Variants in PRXL2A observed in about 807,000 individuals in gnomAD.
PRXL2A encodes peroxiredoxin like 2A.
Under a neutral mutation model 25.6 loss-of-function variants are expected in PRXL2A, and 26 were observed. The ratio of observed to expected loss-of-function variants is 1.02; its 90% confidence interval spans 0.74 to 1.41. PRXL2A has a LOEUF of 1.41. Among genes scored for constraint, PRXL2A ranks in the 40% most tolerant of loss-of-function variants. The pLI, the probability that PRXL2A is intolerant of heterozygous loss-of-function variation, is 0.00. For missense variants in PRXL2A, 246 were observed against 273.9 expected (o/e 0.90, Z 0.72); for synonymous variants, 98 against 102.9 (o/e 0.95, Z 0.29).
At position 80,420,517 on chromosome 10, in the gene PRXL2A, T is replaced by C. The variant is rs1844826641; in HGVS notation, c.50T>C (p.Ile17Thr). 2 of 1,612,292 alleles carry C rather than the reference T, an allele frequency of 1.2e-6. No individual in the cohort carries two copies. Among genetic ancestry groups the C allele is most frequent in the East Asian group, 4.5e-5 (2 of 44,802 alleles). Residue 17 changes from isoleucine to threonine, a missense_variant, in exon 2 of 6, where the codon ATT becomes ACT. Physicochemically the swap from Ile to Thr is moderately conservative, Grantham distance 89 (BLOSUM62 -1). Transcript: ENST00000606162. ...TTCTTCACCATGGGGATGTGGTCCATTGGTGCAGGAGCCCTGGGGGCTGCT... is the reference window on the plus strand; with the variant it reads ...TTCTTCACCATGGGGATGTGGTCCACTGGTGCAGGAGCCCTGGGGGCTGCT... Reference protein sequence around the residue: ...PSFFTMGMWSIGAGALGAAAL... With the variant: ...PSFFTMGMWSTGAGALGAAAL...
intron 3 of PRXL2A, 99 bp from the exon 4 acceptor site, chr10:80,425,767 G>A (rs937348844): frequency 1.4e-6 from 2 of 1,473,772 alleles, no homozygotes; most frequent in Non-Finnish European, 1.9e-6. Flanking sequence ...TTCCACTGGA[G>A]AAGACAAGGA....
intron 5 of PRXL2A, among the ~76,000 whole-genome samples, chr10:80,428,697 T>G (rs1845134447): frequency 6.6e-6 from 1 of 152,104 alleles, no homozygotes; most frequent in Admixed American, 6.6e-5. Flanking sequence ...GGGAAGGGTA[T>G]GGGAGAAGGA....
chr10:80,430,132 C>T (rs1217788943), intron 5 of PRXL2A, among the ~76,000 whole-genome samples: 1 of 126,224 alleles, frequency 7.9e-6, no homozygotes, highest in South Asian at 2.7e-4. Context: ...CAGAGGTTCA[C>T]TCTTGTTGCC....
chr10:80,419,311 T>C (rs1844776701), intron 1 of PRXL2A, among the ~76,000 whole-genome samples: 1 of 136,266 alleles, frequency 7.3e-6, no homozygotes, highest in Non-Finnish European at 1.6e-5. Flanking sequence ...TTTTTTTTTT[T>C]CTTTTTTTTT....
intron 1 of PRXL2A, among the ~76,000 whole-genome samples, chr10:80,411,981 A>T (rs530248995): frequency 3.9e-5 from 6 of 152,160 alleles, no homozygotes; most frequent in Non-Finnish European, 8.8e-5. Context: ...TTAAGACTTT[A>T]TCAGTTCCTG....
rs901686148 is a variant in PRXL2A, at chr10:80,422,585, G to A, written c.270+77G>A. 1.6e-5 allele frequency: 18 copies of A among 1,157,534 alleles called. No individual in the cohort carries two copies. The African/African-American group carries it at 1.7e-4, about 11-fold the overall frequency. The allele number at this position is 1,157,534 out of a possible 1,614,324, so 71.7% of individuals were successfully genotyped here. A position where few individuals can be genotyped will look rare whatever the true frequency, so the allele number is the denominator to read the frequency against. ...CCATTGTTTTCCGGCCAGAACCAAG[G>A]GTCGGTAAGCCAGCTTTAGCCTTTT... On this transcript the variant is annotated intron_variant, in intron 3 of 5. Transcript: ENST00000606162.
At position 80,434,520 on chromosome 10, in the gene PRXL2A, A is replaced by G. The variant is rs1226859295; in HGVS notation, c.*2421A>G. On this transcript the variant is annotated 3_prime_UTR_variant, in exon 6 of 6. Transcript: ENST00000606162. ...TAAAAAGCTGGACGCTAAAGGCAAT[A>G]ATGACAGATTTTACTCAATAACTAC... The G allele has an allele frequency of 6.6e-6, 1 of 152,202 alleles. No homozygotes were observed. Among genetic ancestry groups the G allele is most frequent in the Non-Finnish European group, 1.5e-5 (1 of 68,050 alleles). The allele number at this position is 152,202 out of a possible 1,614,324, so 9.4% of individuals were successfully genotyped here. A position where few individuals can be genotyped will look rare whatever the true frequency, so the allele number is the denominator to read the frequency against.
chr10:80,409,108 C>T (rs1844371306), intron 1 of PRXL2A: 1 of 983,260 alleles, frequency 1.0e-6, no homozygotes, highest in Non-Finnish European at 1.2e-6. Flanking sequence ...TCTGTGCCCG[C>T]TTAGGGTCGT....
chr10:80,432,962 A>G lies in PRXL2A; in HGVS notation c.*863A>G, dbSNP rs1361782832. The G allele has an allele frequency of 6.6e-6, 1 of 152,236 alleles. No individual in the cohort carries two copies. The highest frequency in any genetic ancestry group is 1.5e-5 in the Non-Finnish European group (1 of 68,042). 9.4% of individuals were successfully genotyped at this position (152,236 alleles called of 1,614,324 possible). ...ATCTGTTTCTCTAGAAAAAATGTCC[A>G]TCTCTGGCTTTAATAAAATTATGCA... On this transcript the variant is annotated 3_prime_UTR_variant, in exon 6 of 6. Coordinates refer to ENST00000606162, the MANE Select transcript of PRXL2A (RefSeq NM_032333.5).
chr10:80,419,319 T>G (rs1436973145), intron 1 of PRXL2A, among the ~76,000 whole-genome samples: 2 of 145,046 alleles, frequency 1.4e-5, no homozygotes, highest in East Asian at 4.1e-4. Context: ...TTTCTTTTTT[T>G]TTTTTGAGAC....
At chr10:80,408,324 G>A (rs1310536773), upstream of PRXL2A, among the ~76,000 whole-genome samples, 1 of 152,208 alleles carries the variant, frequency 6.6e-6, no homozygotes, top group Non-Finnish European at 1.5e-5. Flanking sequence ...TGAAGAACGC[G>A]TCGGGGCCTC....
intron 1 of PRXL2A, among the ~76,000 whole-genome samples, chr10:80,416,382 G>C (rs1844661931): frequency 6.6e-6 from 1 of 152,194 alleles, no homozygotes. Context: ...GTCACCAAAG[G>C]AGAGAAATCT....
At chr10:80,424,207 C>T (rs1176716575) in intron 3 of PRXL2A, among the ~76,000 whole-genome samples, 7 of 152,092 alleles carry the variant, frequency 4.6e-5, no homozygotes, top group South Asian at 2.1e-4. Flanking sequence ...AGGTATGTGA[C>T]TCAGTTTCCA....
At position 80,432,953 on chromosome 10, in the gene PRXL2A, A is replaced by G. The variant is rs540777043; in HGVS notation, c.*854A>G. 9 of 152,340 alleles carry G rather than the reference A, an allele frequency of 5.9e-5. No homozygotes were observed. The East Asian group carries it at 1.7e-3, about 29-fold the overall frequency. The allele number at this position is 152,340 out of a possible 1,614,324, so 9.4% of individuals were successfully genotyped here. A position where few individuals can be genotyped will look rare whatever the true frequency, so the allele number is the denominator to read the frequency against. ...ACCTCAGAGATCTGTTTCTCTAGAA[A>G]AAATGTCCATCTCTGGCTTTAATAA... On this transcript the variant is annotated 3_prime_UTR_variant, in exon 6 of 6. Transcript: ENST00000606162.
At position 80,433,683 on chromosome 10, in the gene PRXL2A, C is replaced by G. The variant is rs1845332099; in HGVS notation, c.*1584C>G. On this transcript the variant is annotated 3_prime_UTR_variant, in exon 6 of 6. Transcript: ENST00000606162. Reference sequence around the variant, plus strand: ...ATGCATGGGCCCTTAAAGGGCTGGGCTTCTGCAGCATTTGAGGCCATAGCC... The same window carrying G: ...ATGCATGGGCCCTTAAAGGGCTGGGGTTCTGCAGCATTTGAGGCCATAGCC... 1 of 152,286 alleles carries G rather than the reference C, an allele frequency of 6.6e-6. No individual in the cohort carries two copies. Among genetic ancestry groups the G allele is most frequent in the African/African-American group, 2.4e-5 (1 of 41,456 alleles). The allele number at this position is 152,286 out of a possible 1,614,324, so 9.4% of individuals were successfully genotyped here.
chr10:80,419,384 C>T (rs574619082), intron 1 of PRXL2A, among the ~76,000 whole-genome samples: 108 of 146,200 alleles, frequency 7.4e-4, no homozygotes, highest in Middle Eastern at 8.3e-3. Context: ...CTCGGCTCAC[C>T]GCAACCTCCG....
In PRXL2A at chr10:80,420,460, C is replaced by T; in HGVS notation, c.-2-6C>T. ...TAACGCCTTCTTCCTTCTTCTCAAT[C>T]TCCAGAAATGTCTTTCCTCCAGGAC... On this transcript the variant is annotated splice_polypyrimidine_tract_variant and splice_region_variant and intron_variant, in intron 1 of 5. Transcript: ENST00000606162. 1 of 1,566,340 alleles carries T rather than the reference C, an allele frequency of 6.4e-7. No individual in the cohort carries two copies. Among genetic ancestry groups the T allele is most frequent in the Non-Finnish European group, 8.7e-7 (1 of 1,152,604 alleles).
rs540295487 is a variant in PRXL2A, at chr10:80,427,806, G to A, written c.576+310G>A. ...AGCTGCACAAGGAGCACAGCTCATC[G>A]GTGGCTCTGCTAGGCCTGAACTCAG... On this transcript the variant is annotated intron_variant, in intron 5 of 5. Transcript: ENST00000606162. Among the ~76,000 whole-genome samples the A allele has an allele frequency of 5.3e-4, 80 of 152,302 alleles. 1 individual carries two copies. In the South Asian group the frequency reaches 0.013, roughly 26 times the overall value.
intron 1 of PRXL2A, among the ~76,000 whole-genome samples, chr10:80,415,660 C>G (rs1320049208): frequency 6.6e-6 from 1 of 152,208 alleles, no homozygotes; most frequent in African/African-American, 2.4e-5. Context: ...TCCATATTTT[C>G]TTGAGGATTG....
Sources: gnomAD v4.1 joint callset for allele counts (sites outside exome capture counted in the v4.1 genomes callset) on GRCh38, gnomAD v4.1.1 for gene constraint, MANE v1.5 for transcripts, NCBI Gene and HGNC (gene_info 2026-07-23, HGNC 2026-07-21) for gene names.